Variants in HOXC9 observed in about 807,000 individuals in gnomAD.
HOXC9 encodes homeobox protein Hox-C9.
Under a neutral mutation model 20.0 loss-of-function variants are expected in HOXC9, and 10 were observed. The ratio of observed to expected loss-of-function variants is 0.50; its 90% CI spans 0.31 to 0.85. The LOEUF (loss-of-function observed/expected upper bound fraction) is 0.85, where lower values mean the gene tolerates loss of function less well. Ranked by LOEUF, HOXC9 falls within the 40% of genes least tolerant of loss-of-function variation. The pLI, the probability that HOXC9 is intolerant of heterozygous loss-of-function variation, is 0.05. For missense variants in HOXC9, 394 were observed against 376.7 expected, an observed-to-expected ratio of 1.05 and a Z score of -0.38; for synonymous variants, 200 against 163.7, an observed-to-expected ratio of 1.22 and a Z score of -1.69.
Position 54,003,137 on chromosome 12 carries a change from T to A in HOXC9, c.*463T>A, listed in dbSNP as rs868434932. 1 of 153,882 alleles carries A rather than the reference T, an allele frequency of 6.5e-6. No individual in the cohort carries two copies. Among genetic ancestry groups the A allele is most frequent in the African/African-American group, 2.4e-5 (1 of 41,218 alleles). The allele number at this position is 153,882 out of a possible 1,614,324, so 9.5% of individuals were successfully genotyped here. On this transcript the variant is annotated 3_prime_UTR_variant, in exon 2 of 2. Transcript: ENST00000303450. ...GACACACACACATACATGATAATGATTCCCAGCCCAGGAGCTGAGGGGTGA... is the reference window on the plus strand; with the variant it reads ...GACACACACACATACATGATAATGAATCCCAGCCCAGGAGCTGAGGGGTGA...
rs140245460 is a variant in HOXC9 at position 54,001,345 on chromosome 12, C to T, written c.538+619C>T. On this transcript the variant is annotated intron_variant, in intron 1 of 1. Transcript: ENST00000303450. Reference sequence around the variant, plus strand: ...GTCTGAGCCTCCTTAAACTTGAGAACCCTCTTCTGAGGGTCTTGGAGGGGA... The same window carrying T: ...GTCTGAGCCTCCTTAAACTTGAGAATCCTCTTCTGAGGGTCTTGGAGGGGA... Among the ~76,000 whole-genome samples the T allele has an allele frequency of 9.2e-3, 1,392 of 152,016 alleles. 5 individuals carry two copies. Among genetic ancestry groups the T allele is most frequent in the Admixed American group, 0.014 (215 of 15,286 alleles).
chr12:54,002,680 A>G lies in HOXC9; in HGVS notation c.*6A>G. 1.2e-6 allele frequency: 2 copies of G among 1,602,504 alleles called. No individual in the cohort carries two copies. The highest frequency in any genetic ancestry group is 1.1e-5 in the South Asian group (1 of 89,788). On this transcript the variant is annotated 3_prime_UTR_variant, in exon 2 of 2. Coordinates refer to ENST00000303450, the MANE Select transcript of HOXC9 (RefSeq NM_006897.3). The stretch of plus-strand genomic sequence containing the variant: ...CCGACAAGGAGCAGTCCTAAACCCT[A>G]CCCAGCCTGCTGCCTCAGCACAGCC...
intron 1 of HOXC9, among the ~76,000 whole-genome samples, chr12:54,001,701 G>T (rs533910422): frequency 6.6e-6 from 1 of 152,076 alleles, no homozygotes; most frequent in African/African-American, 2.4e-5. Flanking sequence ...TCCTCTGAAG[G>T]CTTCCCTCCC....
chr12:54,002,408 C>T lies in HOXC9; in HGVS notation c.539-22C>T, dbSNP rs200615761. 323 of 1,610,628 alleles carry T rather than the reference C, an allele frequency of 2.0e-4. 2 individuals are homozygous for T. The South Asian group carries it at 3.5e-3, about 17-fold the overall frequency. On this transcript the variant is annotated intron_variant, in intron 1 of 1. Coordinates refer to ENST00000303450, the MANE Select transcript of HOXC9 (RefSeq NM_006897.3). ...GGCTGGAAAGGGGCTCCACTGACCC[C>T]TGCTTGTGTTTGGCCCTCCAGGCAA...
In HOXC9 at chr12:54,000,344, C is replaced by T. The variant is rs750583775; in HGVS notation, c.156C>T (p.Ser52=). 2.5e-6 allele frequency: 4 copies of T among 1,614,024 alleles called. No homozygotes were observed. In the Admixed American group the frequency reaches 6.7e-5, roughly 27 times the overall value. Residue 52 remains serine (S), a synonymous_variant, in exon 1 of 2, where the codon TCC becomes TCT. Coordinates refer to ENST00000303450, the MANE Select transcript of HOXC9 (RefSeq NM_006897.3). ...GLVPDCSDFP[S]CSFAPKPAVF... ...TGCCGGACTGTAGCGATTTTCCGTC[C>T]TGTAGCTTCGCGCCCAAGCCGGCAG...
At position 54,002,422 on chromosome 12, in the gene HOXC9, C is replaced by T. The variant is rs774222750; in HGVS notation, c.539-8C>T. On this transcript the variant is annotated splice_region_variant and splice_polypyrimidine_tract_variant and intron_variant, in intron 1 of 1. Transcript: ENST00000303450. ...TCCACTGACCCCTGCTTGTGTTTGG[C>T]CCTCCAGGCAACCCCGTGGCCAACT... The T allele has an allele frequency of 3.1e-6, 5 of 1,612,094 alleles. No homozygotes were observed. In the South Asian group the frequency reaches 5.5e-5, roughly 18 times the overall value.
At chr12:54,000,907 G>C (rs1939727541) in intron 1 of HOXC9, among the ~76,000 whole-genome samples, 181 bp downstream of exon 1, 1 of 152,068 alleles carries the variant, frequency 6.6e-6, no homozygotes, top group Non-Finnish European at 1.5e-5. Flanking sequence ...TCTGAGAATG[G>C]GGCCCAGGGA....
chr12:54,001,202 A>T (rs1380796856), intron 1 of HOXC9, among the ~76,000 whole-genome samples: 1 of 151,948 alleles, frequency 6.6e-6, no homozygotes, highest in East Asian at 1.9e-4. Context: ...GAGATTCACA[A>T]AACAGAAGGT....
In HOXC9 at chr12:54,000,574, A is replaced by T; in HGVS notation, c.386A>T (p.Asp129Val). ...GACGCCTACCCCGGGCGCCGCGCGG[A>T]CTGCGGCCCAGGGGAGGGCCGCAGC... ...KPDAYPGRRA[D>V]CGPGEGRSYP... The change falls in exon 1 of 2, where the codon GAC becomes GTC. Residue 129 changes from aspartate (D) to valine (V), a missense_variant. Asp to Val is a radical substitution (Grantham distance 152, BLOSUM62 -3). Coordinates refer to ENST00000303450, the MANE Select transcript of HOXC9 (RefSeq NM_006897.3). 1 of 1,534,940 alleles carries T rather than the reference A, an allele frequency of 6.5e-7. No individual in the cohort carries two copies. Among genetic ancestry groups the T allele is most frequent in the African/African-American group, 1.4e-5 (1 of 72,444 alleles).
Position 54,002,528 on chromosome 12 carries a change from T to C in HOXC9, c.637T>C (p.Phe213Leu). ...QTLELEKEFL[F>L]NMYLTRDRRY... ...GCTGGAACTGGAGAAGGAGTTTCTC[T>C]TCAATATGTATTTAACCAGGGACCG... Residue 213 changes from phenylalanine (F) to leucine (L), a missense_variant, in exon 2 of 2, where the codon TTC becomes CTC. By Grantham distance (22) the Phe-to-Leu change is conservative (BLOSUM62 0). Transcript: ENST00000303450. 1 of 1,614,170 alleles carries C rather than the reference T, an allele frequency of 6.2e-7. No homozygotes were observed. The highest frequency in any genetic ancestry group is 8.5e-7 in the Non-Finnish European group (1 of 1,180,032).
Position 54,000,208 on chromosome 12 carries a change from T to A in HOXC9, c.20T>A (p.Ile7Asn), listed in dbSNP as rs145111102. The A allele has an allele frequency of 6.2e-7, 1 of 1,613,926 alleles. No homozygotes were observed. The highest frequency in any genetic ancestry group is 8.5e-7 in the Non-Finnish European group (1 of 1,180,014). The change falls in exon 1 of 2, where the codon ATC becomes AAC. Residue 7 changes from isoleucine to asparagine, a missense_variant. Ile to Asn is a moderately radical substitution (Grantham distance 149). Transcript: ENST00000303450. Reference protein sequence around the residue: MSATGPISNYYVDSLIS... With the variant: MSATGPNSNYYVDSLIS... ...GTTACGATGTCGGCGACGGGGCCCA[T>A]CAGTAACTATTACGTGGACTCGCTC...
chr12:54,002,588 G>C lies in HOXC9; in HGVS notation c.697G>C (p.Glu233Gln), dbSNP rs1357729077. 1.2e-6 allele frequency: 2 copies of C among 1,614,006 alleles called. No homozygotes were observed. The highest frequency in any genetic ancestry group is 1.3e-5 in the African/African-American group (1 of 74,914). ...YEVARVLNLTERQVKIWFQNR... is the reference protein window; with the variant it reads ...YEVARVLNLTQRQVKIWFQNR... ...GGTGGCCCGGGTTCTCAATCTCACC[G>C]AGCGGCAGGTCAAAATCTGGTTTCA... Residue 233 changes from glutamate to glutamine, a missense_variant, in exon 2 of 2, where the codon GAG becomes CAG. Physicochemically the swap from Glu to Gln is conservative, Grantham distance 29. Transcript: ENST00000303450.
At chr12:54,000,850 G>T in intron 1 of HOXC9, 124 bp downstream of exon 1, 1 of 897,758 alleles carries the variant, frequency 1.1e-6, no homozygotes, top group South Asian at 2.0e-5. Flanking sequence ...AGGGGGCGAG[G>T]ACTCAATAAA....
rs1013979343 is a variant in HOXC9, at chr12:54,000,509, C to A, written c.321C>A (p.Pro107=). 1 of 1,596,496 alleles carries A rather than the reference C, an allele frequency of 6.3e-7. No individual in the cohort carries two copies. The highest frequency in any genetic ancestry group is 1.3e-5 in the African/African-American group (1 of 74,928). Residue 107 remains proline, a synonymous_variant, in exon 1 of 2, where the codon CCC becomes CCA. Coordinates refer to ENST00000303450, the MANE Select transcript of HOXC9 (RefSeq NM_006897.3). ...LEPLSGAVSF[P]SFPAGGRHYA... ...CGCTGTCCGGCGCCGTCTCCTTCCC[C>A]AGCTTCCCGGCCGGGGGCCGTCACT...
chr12:54,002,395 G>T (rs1176044620), intron 1 of HOXC9, 35 bp from the exon 2 acceptor site: 1 of 1,600,532 alleles, frequency 6.2e-7, no homozygotes, highest in Admixed American at 1.7e-5. Context: ...CTGGAAAGGG[G>T]CTCCACTGAC....
chr12:54,002,763 AG>A lies in HOXC9; in HGVS notation c.*90del. On this transcript the variant is annotated 3_prime_UTR_variant, in exon 2 of 2. Transcript: ENST00000303450. Reference sequence around the variant, plus strand: ...AACACAGGCGGGGGAGAGACGAAAAAGAAAAGGAAAGAGCAAGATAGACAAA... The same window carrying A: ...AACACAGGCGGGGGAGAGACGAAAAAAAAAGGAAAGAGCAAGATAGACAAA... 7.1e-7 allele frequency: 1 copy of A among 1,414,362 alleles called. No homozygotes were observed. Among genetic ancestry groups the A allele is most frequent in the African/African-American group, 1.4e-5 (1 of 69,640 alleles). 87.6% of individuals were successfully genotyped at this position (1,414,362 alleles called of 1,614,324 possible).
At chr12:54,001,096 G>A (rs1437104217) in intron 1 of HOXC9, among the ~76,000 whole-genome samples, 1 of 152,120 alleles carries the variant, frequency 6.6e-6, no homozygotes, top group East Asian at 1.9e-4. Context: ...AGATGGGACA[G>A]GGAAGAGGTG....
In HOXC9 at chr12:54,002,814, C is replaced by T; in HGVS notation, c.*140C>T. ...AAGCCAATCAGCTTAAAAAGAAAAACAAGGAAGGGGAAAAGAAAACTCTTG... is the reference window on the plus strand; with the variant it reads ...AAGCCAATCAGCTTAAAAAGAAAAATAAGGAAGGGGAAAAGAAAACTCTTG... On this transcript the variant is annotated 3_prime_UTR_variant, in exon 2 of 2. Transcript: ENST00000303450. The T allele has an allele frequency of 1.0e-6, 1 of 987,122 alleles. No homozygotes were observed. The highest frequency in any genetic ancestry group is 2.6e-5 in the East Asian group (1 of 38,128). The allele number at this position is 987,122 out of a possible 1,614,324, so 61.1% of individuals were successfully genotyped here.
intron 1 of HOXC9, 48 bp downstream of exon 1, chr12:54,000,774 G>T: frequency 7.0e-7 from 1 of 1,423,456 alleles, no homozygotes; most frequent in Non-Finnish European, 9.2e-7. Context: ...GAGGGGAGGG[G>T]AGGACGGGCG....
Sources: allele counts gnomAD v4.1 joint callset (sites outside exome capture counted in the v4.1 genomes callset), GRCh38; gene constraint gnomAD v4.1.1; transcripts MANE v1.5; gene names NCBI Gene and HGNC (gene_info 2026-07-23, HGNC 2026-07-21).